Variants in ZNF649 observed in about 807,000 individuals in gnomAD.
ZNF649 encodes the protein zinc finger protein 649.
Under a neutral mutation model 14.1 loss-of-function variants are expected in ZNF649, and 7 were observed. The observed-to-expected ratio is 0.49, with a 90% CI of 0.28 to 0.93. The LOEUF (loss-of-function observed/expected upper bound fraction) is 0.93. Among genes scored for constraint, ZNF649 ranks in the 40% least tolerant of loss-of-function variants. The pLI is 0.10. For synonymous variants in ZNF649, 227 were observed against 212.3 expected, an observed-to-expected ratio of 1.07 and a Z score of -0.60; for missense variants, 544 against 608.1, an observed-to-expected ratio of 0.89 and a Z score of 1.11.
Position 51,890,510 on chromosome 19 carries a change from A to C in ZNF649, c.*108T>G, listed in dbSNP as rs570930973. On this transcript the variant is annotated 3_prime_UTR_variant, in exon 5 of 5. Coordinates refer to ENST00000354957, the MANE Select transcript of ZNF649 (RefSeq NM_023074.4). Reference sequence around the variant, plus strand: ...TATAAAAAAGTAAAATATATTTCATATCTTGTAAACCCTACTATACATATT... The same window carrying C: ...TATAAAAAAGTAAAATATATTTCATCTCTTGTAAACCCTACTATACATATT... The C allele has an allele frequency of 4.4e-6, 3 of 681,820 alleles. No homozygotes were observed. In the Admixed American group the frequency reaches 8.6e-5, roughly 20 times the overall value. The allele number at this position is 681,820 out of a possible 1,614,324, so 42.2% of individuals were successfully genotyped here.
intron 2 of ZNF649, among the ~76,000 whole-genome samples, chr19:51,897,665 T>C (rs2085071304): frequency 6.6e-6 from 1 of 152,124 alleles, no homozygotes; most frequent in Non-Finnish European, 1.5e-5. Context: ...TACACACACA[T>C]ACACACGCAT....
intron 2 of ZNF649, 151 bp downstream of exon 2, chr19:51,899,942 T>C (rs781224338): frequency 3.4e-5 from 19 of 556,816 alleles, no homozygotes; most frequent in Non-Finnish European, 5.3e-5. Flanking sequence ...GTGATCCCAC[T>C]TTGTCCTGGA....
At chr19:51,900,407 C>A in intron 1 of ZNF649, 113 bp from the exon 2 acceptor site, 1 of 317,600 alleles carries the variant, frequency 3.1e-6, no homozygotes. Flanking sequence ...TCTAAGCATC[C>A]CTTTGTCAGG....
chr19:51,898,336 G>A (rs896149800), intron 2 of ZNF649, among the ~76,000 whole-genome samples: 7 of 152,106 alleles, frequency 4.6e-5, no homozygotes, highest in African/African-American at 1.4e-4. Flanking sequence ...TGTCCAACTT[G>A]ACCACAACTG....
At chr19:51,895,165 G>A (rs1160937710) in intron 4 of ZNF649, among the ~76,000 whole-genome samples, 1 of 152,152 alleles carries the variant, frequency 6.6e-6, no homozygotes, top group East Asian at 1.9e-4. Flanking sequence ...AGTGGCTTGT[G>A]TGTGATTGGG....
intron 2 of ZNF649, among the ~76,000 whole-genome samples, chr19:51,899,629 G>A (rs943539701): frequency 6.7e-6 from 1 of 148,692 alleles, no homozygotes; most frequent in African/African-American, 2.6e-5. Context: ...CACAAAACTT[G>A]CTTGTGTATC....
rs1185702507 is a variant in ZNF649, at chr19:51,889,798, T to G, written c.*820A>C. 6.6e-6 allele frequency: 1 copy of G among 152,136 alleles called. No homozygotes were observed. Among genetic ancestry groups the G allele is most frequent in the South Asian group, 2.1e-4 (1 of 4,816 alleles). 9.4% of individuals were successfully genotyped at this position (152,136 alleles called of 1,614,324 possible). A position where few individuals can be genotyped will look rare whatever the true frequency, so the allele number is the denominator to read the frequency against. On this transcript the variant is annotated 3_prime_UTR_variant, in exon 5 of 5. Transcript: ENST00000354957. ...GTAATATAAACACACTCAGCTACTC[T>G]AAGGGAAAGCAGAAAAAGAAGAAAA...
At position 51,904,986 on chromosome 19, in the gene ZNF649, T is replaced by G. The variant is rs1335583640; in HGVS notation, c.-260A>C. 1 of 147,696 alleles carries G rather than the reference T, an allele frequency of 6.8e-6. No homozygotes were observed. The highest frequency in any genetic ancestry group is 2.7e-5 in the African/African-American group (1 of 37,240). The allele number at this position is 147,696 out of a possible 1,614,324, so 9.1% of individuals were successfully genotyped here. On this transcript the variant is annotated 5_prime_UTR_variant, in exon 1 of 5. Transcript: ENST00000354957. The stretch of plus-strand genomic sequence containing the variant: ...TGGCCCTTAAACCCCGGCACTGGCC[T>G]ATGGCGGCGGACGAGGGCGCGAGTC...
rs140908786 is a variant in ZNF649, at chr19:51,891,833, C to T, written c.303G>A (p.Thr101=). Residue 101 remains threonine, a synonymous_variant, in exon 5 of 5, where the codon ACG becomes ACA. Transcript: ENST00000354957. The surrounding 1 kb of genome is among the most constrained non-coding windows in gnomAD (Gnocchi z 4.2). ...PLQNQKILKR[T]GQRYEHGRTL... is the part of the protein sequence containing the mutation. ...TTCTTCCGTGTTCATAGCGTTGTCCCGTCCTCTTCAGTATTTTTTGGTTTT... is the reference window on the plus strand; with the variant it reads ...TTCTTCCGTGTTCATAGCGTTGTCCTGTCCTCTTCAGTATTTTTTGGTTTT... 69 of 1,594,392 alleles carry T rather than the reference C, an allele frequency of 4.3e-5. No homozygotes were observed. The African/African-American group carries it at 8.9e-4, about 20-fold the overall frequency.
chr19:51,893,033 G>A (rs2085035029), intron 4 of ZNF649, among the ~76,000 whole-genome samples: 1 of 152,024 alleles, frequency 6.6e-6, no homozygotes, highest in Admixed American at 6.5e-5. Context: ...ACTAACTGAT[G>A]CCCCTCACCC....
At chr19:51,896,444 C>A (rs1171663824) in intron 4 of ZNF649, 28 bp downstream of exon 4, 31 of 1,599,606 alleles carry the variant, frequency 1.9e-5, no homozygotes, top group Non-Finnish European at 2.7e-5. Flanking sequence ...CCGCTGCCTT[C>A]CCCTCTTGCT....
rs1568454136 is a variant in ZNF649, at chr19:51,889,857, TAGTA to T, written c.*757_*760del. On this transcript the variant is annotated 3_prime_UTR_variant, in exon 5 of 5. Transcript: ENST00000354957. ...AAGAAGACATAGAATAAACAACAAATAGTAAGTTAGTAATTTAAACCTAAAAACA... is the reference window on the plus strand; with the variant it reads ...AAGAAGACATAGAATAAACAACAAATAGTTAGTAATTTAAACCTAAAAACA... The T allele has an allele frequency of 6.6e-6, 1 of 152,082 alleles. No individual in the cohort carries two copies. Among genetic ancestry groups the T allele is most frequent in the Non-Finnish European group, 1.5e-5 (1 of 68,012 alleles). The allele number at this position is 152,082 out of a possible 1,614,324, so 9.4% of individuals were successfully genotyped here. A position where few individuals can be genotyped will look rare whatever the true frequency, so the allele number is the denominator to read the frequency against.
chr19:51,895,099 A>C (rs911643210), intron 4 of ZNF649, among the ~76,000 whole-genome samples: 1 of 152,224 alleles, frequency 6.6e-6, no homozygotes, highest in Non-Finnish European at 1.5e-5. Context: ...CCTTGACTCC[A>C]GAGTAGCAAA....
In ZNF649 at chr19:51,891,750, G is replaced by A. The variant is rs1469888297; in HGVS notation, c.386C>T (p.Pro129Leu). ...NQSRRYNRKEPAEFNGDGAFL... is the reference protein window; with the variant it reads ...NQSRRYNRKELAEFNGDGAFL... ...AGCTCCATCTCCATTAAACTCAGCAGGCTCCTTTCTGTTGTATCTTCTGCT... is the reference window on the plus strand; with the variant it reads ...AGCTCCATCTCCATTAAACTCAGCAAGCTCCTTTCTGTTGTATCTTCTGCT... The change falls in exon 5 of 5, where the codon CCT (proline) becomes CTT (leucine). Residue 129 changes from proline (P) to leucine (L), a missense_variant. Pro to Leu is a moderately conservative substitution (Grantham distance 98). Transcript: ENST00000354957. The surrounding 1 kb of genome is among the most constrained non-coding windows in gnomAD (Gnocchi z 4.2). 2 of 1,613,570 alleles carry A rather than the reference G, an allele frequency of 1.2e-6. No individual in the cohort carries two copies. Among genetic ancestry groups the A allele is most frequent in the African/African-American group, 1.3e-5 (1 of 74,826 alleles).
At chr19:51,896,366 A>G in intron 4 of ZNF649, 106 bp downstream of exon 4, 1 of 927,536 alleles carries the variant, frequency 1.1e-6, no homozygotes, top group Middle Eastern at 3.2e-4. Context: ...AAGATGTGGC[A>G]GCTGTTTCTG....
chr19:51,896,603 T>C lies in ZNF649; in HGVS notation c.143-36A>G, dbSNP rs1444765923. 3 of 1,602,038 alleles carry C rather than the reference T, an allele frequency of 1.9e-6. No homozygotes were observed. The South Asian group carries it at 3.3e-5, about 18-fold the overall frequency. On this transcript the variant is annotated intron_variant, in intron 3 of 4. Coordinates refer to ENST00000354957, the MANE Select transcript of ZNF649 (RefSeq NM_023074.4). ...GAAATGGGAGAAGACTTAGGCTCAC[T>C]GAATTGCACCACGTGGCTCTGATGA...
intron 4 of ZNF649, among the ~76,000 whole-genome samples, chr19:51,892,821 A>C (rs1431608190): frequency 6.6e-6 from 1 of 152,244 alleles, no homozygotes; most frequent in African/African-American, 2.4e-5. Context: ...ATAAGATACC[A>C]AACTATAAAC....
intron 4 of ZNF649, 90 bp downstream of exon 4, chr19:51,896,382 C>A: frequency 1.7e-6 from 2 of 1,170,488 alleles, no homozygotes; most frequent in Non-Finnish European, 2.6e-6. Context: ...TTCTGTCTCC[C>A]TAGACACTTT....
Position 51,900,098 on chromosome 19 carries a change from C to G in ZNF649, c.10G>C (p.Ala4Pro), listed in dbSNP as rs772764632. 11 of 1,528,270 alleles carry G rather than the reference C, an allele frequency of 7.2e-6. No homozygotes were observed. Among genetic ancestry groups the G allele is most frequent in the Non-Finnish European group, 8.8e-6 (10 of 1,136,702 alleles). 94.7% of individuals were successfully genotyped at this position (1,528,270 alleles called of 1,614,324 possible). A position where few individuals can be genotyped will look rare whatever the true frequency, so the allele number is the denominator to read the frequency against. Residue 4 changes from alanine to proline, a missense_variant, in exon 2 of 5, where the codon GCC becomes CCC. Coordinates refer to ENST00000354957, the MANE Select transcript of ZNF649 (RefSeq NM_023074.4). MTK[A>P]QESLTLEDVA... is the part of the protein sequence containing the mutation. ...TAAAACAAACCAAAAGTTACCTGGG[C>G]CTTTGTCATTTTCTTCTGTTTCAGG...
Sources: gnomAD v4.1 joint callset for allele counts (sites outside exome capture counted in the v4.1 genomes callset) on GRCh38, gnomAD v4.1.1 for gene constraint, Gnocchi (gnomAD v3.1) non-coding constraint, MANE v1.5 for transcripts, NCBI Gene and HGNC (gene_info 2026-07-23, HGNC 2026-07-21) for gene names.